The following FBRSL1 variants were observed in gnomAD, a reference collection of about 807,000 sequenced individuals.
The protein encoded by FBRSL1 is fibrosin like 1.
FBRSL1 carries 51 observed loss-of-function variants against 89.6 expected under a neutral mutation model. That is an observed-to-expected ratio of 0.57 (90% CI 0.45 to 0.72). The LOEUF is 0.72. Ranked by LOEUF, FBRSL1 falls within the 30% of genes least tolerant of loss-of-function variation. The pLI is 0.00. For synonymous variants in FBRSL1, 779 were observed against 681.1 expected (o/e 1.14, Z -2.24); for missense variants, 1,618 against 1,451.8 (o/e 1.11, Z -1.86).
chr12:132,545,121 A>G (rs781183253), intron 4 of FBRSL1, among the ~76,000 whole-genome samples: 21 of 152,142 alleles, frequency 1.4e-4, no homozygotes, highest in Non-Finnish European at 2.8e-4. Context: ...GCAGTGCGGC[A>G]CAGAGCGGGC....
At chr12:132,496,525 T>C (rs7298814) in intron 1 of FBRSL1, among the ~76,000 whole-genome samples, 135,946 of 152,212 alleles carry the variant, frequency 0.89, 61,777 homozygotes, top group Non-Finnish European at 0.99. Context: ...TCTACCTGGG[T>C]ACTTTGTTGG....
At chr12:132,563,761 C>T (rs1409141434) in intron 5 of FBRSL1, among the ~76,000 whole-genome samples, 4 of 105,926 alleles carry the variant, frequency 3.8e-5, no homozygotes, top group African/African-American at 1.8e-4. Flanking sequence ...CCCCTGCACC[C>T]CTCCGGCTGA....
intron 1 of FBRSL1, among the ~76,000 whole-genome samples, chr12:132,496,163 G>A (rs947801985): frequency 2.6e-5 from 4 of 152,344 alleles, no homozygotes; most frequent in Non-Finnish European, 4.4e-5. Context: ...GGGGTCTCCC[G>A]GGGTCCCTGT....
At chr12:132,545,128 G>A (rs1460646598) in intron 4 of FBRSL1, among the ~76,000 whole-genome samples, 4 of 152,162 alleles carry the variant, frequency 2.6e-5, no homozygotes, top group Admixed American at 2.0e-4. Context: ...GGCACAGAGC[G>A]GGCGTCTTCT....
chr12:132,516,108 C>T (rs762903577), intron 2 of FBRSL1, among the ~76,000 whole-genome samples: 3 of 151,398 alleles, frequency 2.0e-5, no homozygotes, highest in Non-Finnish European at 4.4e-5. Flanking sequence ...AATTTTATTC[C>T]AACAAATTCA....
intron 5 of FBRSL1, among the ~76,000 whole-genome samples, chr12:132,555,540 G>C (rs878924168): frequency 3.9e-4 from 54 of 137,580 alleles, no homozygotes; most frequent in Non-Finnish European, 8.4e-4. Context: ...GAGCGTGGGG[G>C]CCACGGTAGC....
intron 2 of FBRSL1, among the ~76,000 whole-genome samples, chr12:132,520,411 C>T (rs1246465999): frequency 1.3e-5 from 2 of 152,208 alleles, no homozygotes; most frequent in East Asian, 1.9e-4. Context: ...GACCCCGGAA[C>T]TGGGTCACTT....
chr12:132,531,963 T>C (rs2036326631), intron 4 of FBRSL1, among the ~76,000 whole-genome samples: 1 of 152,218 alleles, frequency 6.6e-6, no homozygotes, highest in African/African-American at 2.4e-5. Context: ...CCGTCAGTGC[T>C]GTAAGGTAGA....
At position 132,572,298 on chromosome 12, in the gene FBRSL1, A is replaced by G. The variant is rs1472090172; in HGVS notation, c.1388A>G (p.Tyr463Cys). Residue 463 changes from tyrosine to cysteine, a missense_variant, in exon 10 of 19, where the codon TAT becomes TGT. Tyr to Cys is a radical substitution (Grantham distance 194). Transcript: ENST00000680143. ...CTCCTTCCCTTCCAGTTTGACAAGT[A>G]TGCGCCCAAGCTGGACAGCCCCTAC... ...CRPRECQFDK[Y>C]APKLDSPYFR... 1.9e-6 allele frequency: 3 copies of G among 1,551,034 alleles called. No homozygotes were observed. Among genetic ancestry groups the G allele is most frequent in the South Asian group, 2.4e-5 (2 of 84,062 alleles).
chr12:132,558,077 A>G (rs888981341), intron 5 of FBRSL1, among the ~76,000 whole-genome samples: 1 of 107,520 alleles, frequency 9.3e-6, no homozygotes, highest in Admixed American at 1.3e-4. Context: ...TGGACCCCCC[A>G]TGGACAGAAA....
At chr12:132,537,094 G>T (rs1273346655) in intron 4 of FBRSL1, among the ~76,000 whole-genome samples, 1 of 152,200 alleles carries the variant, frequency 6.6e-6, no homozygotes, top group East Asian at 1.9e-4. Flanking sequence ...CAGCTGGAGG[G>T]CCAGAGCACA....
chr12:132,561,013 G>T (rs1037620670), intron 5 of FBRSL1, among the ~76,000 whole-genome samples: 7 of 152,212 alleles, frequency 4.6e-5, no homozygotes, highest in African/African-American at 1.7e-4. Flanking sequence ...AGAAGGTGCA[G>T]CTGCTGTGTG....
intron 2 of FBRSL1, chr12:132,510,195 T>G: frequency 8.1e-7 from 1 of 1,231,508 alleles, no homozygotes; most frequent in Non-Finnish European, 1.0e-6. Context: ...CAACAAGCCC[T>G]GCAAACCCCA....
At chr12:132,501,793 C>T (rs996508265) in intron 1 of FBRSL1, among the ~76,000 whole-genome samples, 3 of 152,162 alleles carry the variant, frequency 2.0e-5, no homozygotes, top group Non-Finnish European at 2.9e-5. Flanking sequence ...GCATGCAGGG[C>T]GGCTGAGCAG....
chr12:132,529,326 C>T (rs1163025153), intron 4 of FBRSL1, among the ~76,000 whole-genome samples: 1 of 152,222 alleles, frequency 6.6e-6, no homozygotes, highest in East Asian at 1.9e-4. Context: ...GGTGGCAGAG[C>T]AGGAAGCGGC....
At chr12:132,551,468 G>A (rs939722101) in intron 5 of FBRSL1, 27 of 456,208 alleles carry the variant, frequency 5.9e-5, no homozygotes, top group African/African-American at 5.2e-4. Context: ...TGCACCCCGA[G>A]GAAGCCTTCT....
chr12:132,548,199 T>G (rs2037860584), intron 5 of FBRSL1, among the ~76,000 whole-genome samples, 167 bp downstream of exon 5: 1 of 152,064 alleles, frequency 6.6e-6, no homozygotes, highest in Admixed American at 6.5e-5. Flanking sequence ...ATGGGGGTGC[T>G]GGCCTCTCCT....
Position 132,569,807 on chromosome 12 carries a change from G to A in FBRSL1, c.692-119G>A, listed in dbSNP as rs1471407130. The A allele has an allele frequency of 5.7e-6, 4 of 705,080 alleles. No homozygotes were observed. In the African/African-American group the frequency reaches 7.5e-5, roughly 13 times the overall value. The allele number at this position is 705,080 out of a possible 1,614,324, so 43.7% of individuals were successfully genotyped here. On this transcript the variant is annotated intron_variant, in intron 6 of 18. Coordinates refer to ENST00000680143, the MANE Select transcript of FBRSL1 (RefSeq NM_001367871.1). ...GTGCCTGCCTCCTCATCTGAAATGG[G>A]GGCATAGCCGGAGCCCAGACATAGC... is the stretch of plus-strand genomic sequence containing the variant.
chr12:132,547,718 G>T (rs966354966), intron 4 of FBRSL1, among the ~76,000 whole-genome samples: 3 of 152,216 alleles, frequency 2.0e-5, no homozygotes, highest in Non-Finnish European at 4.4e-5. Flanking sequence ...GCTCCTCTCG[G>T]GCTGCAGGGC....
Sources: allele counts gnomAD v4.1 joint callset (sites outside exome capture counted in the v4.1 genomes callset), GRCh38; gene constraint gnomAD v4.1.1; transcripts MANE v1.5; gene names NCBI Gene and HGNC (gene_info 2026-07-23, HGNC 2026-07-21).